Variants in MTM1 observed in about 807,000 individuals in gnomAD.
MTM1 encodes the protein myotubularin 1, also known as myotubularin.
In MTM1, 9 loss-of-function variants were observed where a neutral mutation model predicts 52.1. The ratio of observed to expected loss-of-function variants is 0.17; its 90% CI spans 0.10 to 0.30. The LOEUF is 0.30. Ranked by LOEUF, MTM1 falls within the 10% of genes least tolerant of loss-of-function variation. The probability of loss-of-function intolerance (pLI) is 1.00; values close to 1 mark genes in which losing one functional copy is unlikely to be tolerated. For synonymous variants in MTM1, 136 were observed against 163.8 expected (o/e 0.83, Z 1.29); for missense variants, 277 against 470.7 (o/e 0.59, Z 3.81).
intron 1 of MTM1, among the ~76,000 whole-genome samples, chrX:150,583,162 T>A (rs1399774491): frequency 1.6e-4 from 12 of 76,690 alleles, no homozygotes; most frequent in Non-Finnish European, 2.5e-4. Flanking sequence ...ATAAATTATA[T>A]ATATTATATA....
chrX:150,592,336 A>G (rs1557412503), intron 1 of MTM1, among the ~76,000 whole-genome samples: 1 of 111,341 alleles, frequency 9.0e-6, no homozygotes, highest in African/African-American at 3.3e-5. Flanking sequence ...TGGAATGTGT[A>G]TGGCGTCTTC....
intron 8 of MTM1, among the ~76,000 whole-genome samples, chrX:150,645,052 A>T (rs73620656): frequency 1.5e-3 from 172 of 111,947 alleles, no homozygotes; most frequent in African/African-American, 5.4e-3. Flanking sequence ...GCAACCAGGG[A>T]GCAAATGTGC....
rs180875237 is a variant in MTM1, at chrX:150,593,004, C to T, written c.63+327C>T. Among the ~76,000 whole-genome samples the T allele has an allele frequency of 1.1e-3, 124 of 111,012 alleles. 1 individual carries two copies. Among genetic ancestry groups the T allele is most frequent in the African/African-American group, 3.6e-3 (109 of 30,477 alleles). ...GATTACAGGCGTGTGCTACCACACCCGGCTAATTTTTGTATTTTTAGTAGA... is the reference window on the plus strand; with the variant it reads ...GATTACAGGCGTGTGCTACCACACCTGGCTAATTTTTGTATTTTTAGTAGA... On this transcript the variant is annotated intron_variant, in intron 2 of 14. Transcript: ENST00000370396.
chrX:150,671,695 T>C lies in MTM1; in HGVS notation c.*100T>C. 1 of 943,732 alleles carries C rather than the reference T, an allele frequency of 1.1e-6. No homozygotes were observed. 77.8% of individuals were successfully genotyped at this position (943,732 alleles called of 1,213,427 possible). ...GTAGATTAAAATATTTGCCTCCATG[T>C]AGAACTTGAACTAACATAATCTTAA... On this transcript the variant is annotated 3_prime_UTR_variant, in exon 15 of 15. Transcript: ENST00000370396.
intron 10 of MTM1, among the ~76,000 whole-genome samples, chrX:150,655,425 C>G (rs1483800439): frequency 9.0e-6 from 1 of 111,593 alleles, no homozygotes; most frequent in Non-Finnish European, 1.9e-5. Context: ...TGTGTCCCTT[C>G]AAAAAATGTG....
At chrX:150,657,737 C>G in intron 10 of MTM1, 84 bp from the exon 11 acceptor site, 2 of 903,651 alleles carry the variant, frequency 2.2e-6, no homozygotes, top group Non-Finnish European at 3.2e-6. Context: ...TATTTTAAAG[C>G]ATGGCTTTTT....
chrX:150,651,899 A>G (rs2148500811), intron 10 of MTM1, among the ~76,000 whole-genome samples: 1 of 111,328 alleles, frequency 9.0e-6, no homozygotes, highest in South Asian at 3.8e-4. Flanking sequence ...TGGAAGGTAA[A>G]GAAAGGGTCT....
intron 14 of MTM1, among the ~76,000 whole-genome samples, chrX:150,664,963 G>A (rs1252141490): frequency 8.9e-6 from 1 of 111,737 alleles, no homozygotes; most frequent in Non-Finnish European, 1.9e-5. Flanking sequence ...AATTCCTAAA[G>A]GTAATAATGA....
At chrX:150,617,996 A>G (rs1243982835) in intron 5 of MTM1, among the ~76,000 whole-genome samples, 1 of 112,066 alleles carries the variant, frequency 8.9e-6, no homozygotes, top group Non-Finnish European at 1.9e-5. Context: ...ACATCTGTAT[A>G]TATAATACAA....
chrX:150,656,559 G>T (rs1267809647), intron 10 of MTM1, among the ~76,000 whole-genome samples: 13 of 111,915 alleles, frequency 1.2e-4, no homozygotes, highest in African/African-American at 4.2e-4. Flanking sequence ...GCACACTATC[G>T]CAATCACATC....
chrX:150,636,797 G>A (rs1305752228), intron 6 of MTM1, among the ~76,000 whole-genome samples: 1 of 112,001 alleles, frequency 8.9e-6, no homozygotes, highest in East Asian at 2.8e-4. Context: ...ACTGACCAGC[G>A]CAGTATCAGA....
chrX:150,657,303 A>G (rs2040135118), intron 10 of MTM1, among the ~76,000 whole-genome samples: 1 of 111,377 alleles, frequency 9.0e-6, no homozygotes, highest in Admixed American at 9.5e-5. Flanking sequence ...ATAAAACAGG[A>G]TGAGTTCATG....
chrX:150,617,946 A>G (rs990570551), intron 5 of MTM1, among the ~76,000 whole-genome samples: 14 of 111,560 alleles, frequency 1.3e-4, no homozygotes, highest in Admixed American at 1.0e-3. Context: ...TTAAGATACA[A>G]CCTTAAAAAA....
chrX:150,626,802 T>C (rs189085269), intron 6 of MTM1, among the ~76,000 whole-genome samples: 4 of 112,122 alleles, frequency 3.6e-5, no homozygotes, highest in Non-Finnish European at 5.6e-5. Flanking sequence ...AGCCTAGATG[T>C]GGCCTAATGA....
chrX:150,670,577 T>C (rs1230761926), intron 14 of MTM1, among the ~76,000 whole-genome samples: 9 of 111,578 alleles, frequency 8.1e-5, no homozygotes, highest in African/African-American at 2.6e-4. Flanking sequence ...GTCACAGCCC[T>C]CAAATTGGAA....
intron 5 of MTM1, among the ~76,000 whole-genome samples, chrX:150,616,065 A>T (rs139522622): frequency 0.012 from 1,331 of 111,321 alleles, 22 homozygotes; most frequent in African/African-American, 0.042. Context: ...TTTCATTCTT[A>T]CAGGGTTTAA....
chrX:150,657,806 A>G lies in MTM1; in HGVS notation c.1054-15A>G. On this transcript the variant is annotated splice_polypyrimidine_tract_variant and intron_variant, in intron 10 of 14. Coordinates refer to ENST00000370396, the MANE Select transcript of MTM1 (RefSeq NM_000252.3). Reference sequence around the variant, plus strand: ...CTTATAACTCCCTACTGACTCACGTATTTTTCTTTGTCAGCTCGTTTTGAC... The same window carrying G: ...CTTATAACTCCCTACTGACTCACGTGTTTTTCTTTGTCAGCTCGTTTTGAC... 1 of 1,206,917 alleles carries G rather than the reference A, an allele frequency of 8.3e-7. No homozygotes were observed. The highest frequency in any genetic ancestry group is 1.1e-6 in the Non-Finnish European group (1 of 891,600).
intron 4 of MTM1, among the ~76,000 whole-genome samples, chrX:150,614,317 T>A (rs1210413872): frequency 8.9e-6 from 1 of 112,041 alleles, no homozygotes; most frequent in Non-Finnish European, 1.9e-5. Context: ...GGAAGTGATA[T>A]CACGGACGTC....
At chrX:150,583,037 TA>T (rs1239428562) in intron 1 of MTM1, among the ~76,000 whole-genome samples, 2 of 91,648 alleles carry the variant, frequency 2.2e-5, no homozygotes, top group Admixed American at 1.5e-4. Context: ...TTTATATATT[TA>T]AATATAATTT....
Sources: allele counts gnomAD v4.1 joint callset (sites outside exome capture counted in the v4.1 genomes callset), GRCh38; gene constraint gnomAD v4.1.1; transcripts MANE v1.5; gene names NCBI Gene and HGNC (gene_info 2026-07-23, HGNC 2026-07-21).